The following RORA variants were observed in gnomAD, a reference collection of about 807,000 sequenced individuals.
The protein encoded by RORA is nuclear receptor ROR-alpha.
RORA carries 7 observed loss-of-function variants against 69.5 expected under a neutral mutation model. The observed-to-expected ratio is 0.10, with a 90% CI of 0.06 to 0.19. RORA has a LOEUF of 0.19. Among genes scored for constraint, RORA ranks in the 10% least tolerant of loss-of-function variants. The pLI is 1.00. For missense variants in RORA, 457 were observed against 663.0 expected, an observed-to-expected ratio of 0.69 and a Z score of 3.41; for synonymous variants, 261 against 240.8, an observed-to-expected ratio of 1.08 and a Z score of -0.78.
At chr15:60,843,756 T>A (rs2073230496) in intron 1 of RORA, among the ~76,000 whole-genome samples, 1 of 152,218 alleles carries the variant, frequency 6.6e-6, no homozygotes, top group African/African-American at 2.4e-5. Flanking sequence ...CCTGTCTTGC[T>A]GGGGAAGGCA....
chr15:60,881,341 G>C (rs1294194353), intron 1 of RORA, among the ~76,000 whole-genome samples: 1 of 152,232 alleles, frequency 6.6e-6, no homozygotes, highest in Non-Finnish European at 1.5e-5. Context: ...GCCCCAGACA[G>C]GCACCTCTGA....
chr15:61,071,118 C>CA (rs1456737393), intron 1 of RORA, among the ~76,000 whole-genome samples: 1 of 147,140 alleles, frequency 6.8e-6, no homozygotes, highest in African/African-American at 2.5e-5. Flanking sequence ...GCATATGTAG[C>CA]ACTAACCAAT....
chr15:60,878,696 C>G (rs565358420), intron 1 of RORA, among the ~76,000 whole-genome samples: 2 of 152,310 alleles, frequency 1.3e-5, no homozygotes, highest in African/African-American at 4.8e-5. Flanking sequence ...GTCTGAAAAC[C>G]TGGGCCCTGC....
intron 3 of RORA, among the ~76,000 whole-genome samples, chr15:60,526,606 G>A (rs1049406802): frequency 6.6e-6 from 1 of 152,242 alleles, no homozygotes; most frequent in African/African-American, 2.4e-5. Flanking sequence ...CTTACTGCCT[G>A]TGTATAACAG....
chr15:60,903,812 G>C (rs1891456997), intron 1 of RORA, among the ~76,000 whole-genome samples: 1 of 152,188 alleles, frequency 6.6e-6, no homozygotes, highest in Non-Finnish European at 1.5e-5. Context: ...TTAAATGGGG[G>C]TAACAATGAA....
intron 1 of RORA, among the ~76,000 whole-genome samples, chr15:60,811,986 A>T (rs2072751054): frequency 6.6e-6 from 1 of 152,180 alleles, no homozygotes; most frequent in Admixed American, 6.5e-5. Context: ...TAAAAATCCC[A>T]AAGTTGAATC....
At chr15:60,879,126 C>T (rs2073651370) in intron 1 of RORA, among the ~76,000 whole-genome samples, 1 of 152,130 alleles carries the variant, frequency 6.6e-6, no homozygotes, top group South Asian at 2.1e-4. Context: ...CAACTGTTTC[C>T]ATGTGTTAGA....
At chr15:60,995,546 G>A (rs780273980) in intron 1 of RORA, among the ~76,000 whole-genome samples, 5 of 151,956 alleles carry the variant, frequency 3.3e-5, no homozygotes, top group South Asian at 2.1e-4. Flanking sequence ...GCTTCCTCCC[G>A]CTCACTTAGT....
chr15:60,715,345 A>T (rs1167951468), intron 1 of RORA, among the ~76,000 whole-genome samples: 1 of 152,212 alleles, frequency 6.6e-6, no homozygotes, highest in African/African-American at 2.4e-5. Context: ...GAACACAATG[A>T]TGTGGCACAG....
chr15:60,981,845 T>C lies in RORA; in HGVS notation c.166+247208A>G, dbSNP rs577825622. 1.9e-3 allele frequency among the ~76,000 whole-genome samples: 287 copies of C among 150,488 alleles called. 2 individuals carry two copies. The Middle Eastern group carries it at 0.024, about 13-fold the overall frequency. Reference sequence around the variant, plus strand: ...GTTACTGTTGATTGCTTTTTTTTTTTCTCCTGGTATGTGCCACTGATGTTT... The same window carrying C: ...GTTACTGTTGATTGCTTTTTTTTTTCCTCCTGGTATGTGCCACTGATGTTT... On this transcript the variant is annotated intron_variant, in intron 1 of 10. Coordinates refer to ENST00000335670, the MANE Select transcript of RORA (RefSeq NM_134261.3).
At chr15:60,641,134 T>C (rs1043651410) in intron 2 of RORA, among the ~76,000 whole-genome samples, 4 of 152,140 alleles carry the variant, frequency 2.6e-5, no homozygotes, top group Non-Finnish European at 5.9e-5. Flanking sequence ...TGTATTTTTG[T>C]AGAGATGGGG....
Position 61,128,952 on chromosome 15 carries a change from C to T in RORA, c.166+100101G>A, listed in dbSNP as rs548882939. Reference sequence around the variant, plus strand: ...CCTGCCTTGGGCCCACTCCCTTCTACGAGTGCCCTTAACCCTTTACAAAAT... The same window carrying T: ...CCTGCCTTGGGCCCACTCCCTTCTATGAGTGCCCTTAACCCTTTACAAAAT... On this transcript the variant is annotated intron_variant, in intron 1 of 10. Transcript: ENST00000335670. This position sits in a 1 kb window ranked among gnomAD's most constrained non-coding sequence, Gnocchi z 4.5. Among the ~76,000 whole-genome samples the T allele has an allele frequency of 1.1e-4, 17 of 152,202 alleles. No homozygotes were observed. The highest frequency in any genetic ancestry group is 3.4e-4 in the African/African-American group (14 of 41,432).
intron 1 of RORA, among the ~76,000 whole-genome samples, chr15:60,717,575 T>A (rs1443478850): frequency 1.3e-5 from 2 of 152,304 alleles, no homozygotes; most frequent in Non-Finnish European, 2.9e-5. Context: ...TTTATCATGT[T>A]TTTTTGTCTT....
chr15:60,539,460 C>A (rs16942740), intron 2 of RORA, among the ~76,000 whole-genome samples: 7,352 of 152,224 alleles, frequency 0.048, 631 homozygotes, highest in African/African-American at 0.17. Flanking sequence ...GATTTTTCAT[C>A]TAGAAGAACA....
intron 1 of RORA, among the ~76,000 whole-genome samples, chr15:60,792,459 C>T (rs568551522): frequency 3.0e-4 from 45 of 152,150 alleles, no homozygotes; most frequent in African/African-American, 9.2e-4. Context: ...CAAGAAACTC[C>T]GCACATCCTA....
intron 3 of RORA, among the ~76,000 whole-genome samples, chr15:60,524,435 A>G (rs1372654671): frequency 2.0e-5 from 3 of 152,328 alleles, no homozygotes; most frequent in Middle Eastern, 6.8e-3. Context: ...AGAATGACCA[A>G]GCGTAAACTT....
intron 1 of RORA, among the ~76,000 whole-genome samples, chr15:60,845,212 C>T (rs967207442): frequency 1.3e-5 from 2 of 152,300 alleles, no homozygotes; most frequent in South Asian, 4.1e-4. Context: ...GGCTCATTTG[C>T]TGAATGACCA....
intron 1 of RORA, among the ~76,000 whole-genome samples, chr15:60,811,069 T>G (rs928328329): frequency 3.3e-5 from 5 of 151,926 alleles, no homozygotes; most frequent in Admixed American, 1.3e-4. Flanking sequence ...AAGCAGGGAG[T>G]CTTCAATTAA....
intron 2 of RORA, among the ~76,000 whole-genome samples, chr15:60,568,944 TAAAAA>T (rs34688193): frequency 2.9e-5 from 4 of 137,496 alleles, no homozygotes; most frequent in South Asian, 2.4e-4. Context: ...GGTTTTGCGC[TAAAAA>T]AAAAAAAAAA....
Sources: allele counts gnomAD v4.1 joint callset (sites outside exome capture counted in the v4.1 genomes callset), GRCh38; gene constraint gnomAD v4.1.1; non-coding constraint Gnocchi (gnomAD v3.1); transcripts MANE v1.5; gene names NCBI Gene and HGNC (gene_info 2026-07-23, HGNC 2026-07-21).